Variants in ARAP3 observed in about 807,000 individuals in gnomAD.
ARAP3 encodes the protein arf-GAP with Rho-GAP domain, ANK repeat and PH domain-containing protein 3.
In ARAP3, 82 loss-of-function variants were observed where a neutral mutation model predicts 169.2. That is an observed-to-expected ratio of 0.48 (90% CI 0.41 to 0.58). ARAP3 has a LOEUF of 0.58. Among genes scored for constraint, ARAP3 ranks in the 20% least tolerant of loss-of-function variants. The probability of loss-of-function intolerance (pLI) is 0.00; values close to 1 mark genes in which losing one functional copy is unlikely to be tolerated. For synonymous variants in ARAP3, 791 were observed against 800.3 expected (o/e 0.99, Z 0.20); for missense variants, 1,764 against 2,018.0 (o/e 0.87, Z 2.41).
At chr5:141,664,649 G>A (rs1264735307) in intron 19 of ARAP3, among the ~76,000 whole-genome samples, 2 of 152,122 alleles carry the variant, frequency 1.3e-5, no homozygotes, top group South Asian at 2.1e-4. Context: ...CAGGCCCTGC[G>A]CTCAAGGCTT....
chr5:141,655,225 T>TACACACACACAC lies in ARAP3; in HGVS notation c.4149+125_4149+136dup, dbSNP rs148481472. ...CACACACACACACACCCTGATGGCCTACACACACACACACACACACACACA... is the reference window on the plus strand; with the variant it reads ...CACACACACACACACCCTGATGGCCTACACACACACACACACACACACACACACACACACACA... On this transcript the variant is annotated intron_variant, in intron 32 of 32. Transcript: ENST00000239440. 1,679 of 490,810 alleles carry TACACACACACAC rather than the reference T, an allele frequency of 3.4e-3. 12 individuals carry two copies. Among genetic ancestry groups the TACACACACACAC allele is most frequent in the South Asian group, 6.7e-3 (315 of 47,092 alleles). The allele number at this position is 490,810 out of a possible 1,614,324, so 30.4% of individuals were successfully genotyped here.
intron 25 of ARAP3, 62 bp downstream of exon 25, chr5:141,658,303 G>T: frequency 1.3e-6 from 2 of 1,541,012 alleles, no homozygotes; most frequent in South Asian, 2.3e-5. Context: ...TGATGACCTT[G>T]ACCACACAAC....
rs1210827723 is a variant in ARAP3, at chr5:141,673,730, T to A, written c.777A>T (p.Leu259Phe). 1 of 1,614,040 alleles carries A rather than the reference T, an allele frequency of 6.2e-7. No homozygotes were observed. The highest frequency in any genetic ancestry group is 1.7e-5 in the Admixed American group (1 of 60,006). Reference protein sequence around the residue: ...SLELPGDSTLLSPTLETEETS... With the variant: ...SLELPGDSTLFSPTLETEETS... Reference sequence around the variant, plus strand: ...TCTCCTCTGTTTCCAGGGTGGGCGATAAGAGGGTGGAGTCTCCAGGTAGCT... The same window carrying A: ...TCTCCTCTGTTTCCAGGGTGGGCGAAAAGAGGGTGGAGTCTCCAGGTAGCT... Residue 259 changes from leucine (L) to phenylalanine (F), a missense_variant, in exon 5 of 33, where the codon TTA (leucine) becomes TTT (phenylalanine). Coordinates refer to ENST00000239440, the MANE Select transcript of ARAP3 (RefSeq NM_022481.6).
In ARAP3 at chr5:141,673,426, C is replaced by T. The variant is rs1456334397; in HGVS notation, c.947G>A (p.Ser316Asn). 6.2e-7 allele frequency: 1 copy of T among 1,614,176 alleles called. No individual in the cohort carries two copies. Among genetic ancestry groups the T allele is most frequent in the Non-Finnish European group, 8.5e-7 (1 of 1,180,038 alleles). Residue 316 changes from serine (S) to asparagine (N), a missense_variant, in exon 6 of 33, where the codon AGT (serine) becomes AAT (asparagine). This residue lies in a region of ARAP3 where 630 missense variants were observed against 678.7 expected (regional missense o/e 0.93). Coordinates refer to ENST00000239440, the MANE Select transcript of ARAP3 (RefSeq NM_022481.6). The part of the protein sequence containing the change: ...QRRFVQFNGR[S>N]LMYFGSDKDP... ...CTTGTCACTGCCAAAGTACATCAGA[C>T]TCCTCCCATTGAACTGCACAAAGCG...
In ARAP3 at chr5:141,673,378, C is replaced by T. The variant is rs760468015; in HGVS notation, c.972+23G>A. 4.2e-5 allele frequency: 67 copies of T among 1,613,748 alleles called. No homozygotes were observed. The Admixed American group carries it at 9.7e-4, about 23-fold the overall frequency. ...CCCTCCCTCTCCCTCATCTCCATAT[C>T]GTCACATCTCCCAGCCCCCCACCTT... On this transcript the variant is annotated intron_variant, in intron 6 of 32. Coordinates refer to ENST00000239440, the MANE Select transcript of ARAP3 (RefSeq NM_022481.6).
At chr5:141,664,349 A>G (rs2099910362) in intron 19 of ARAP3, among the ~76,000 whole-genome samples, 1 of 152,120 alleles carries the variant, frequency 6.6e-6, no homozygotes, top group Admixed American at 6.6e-5. Context: ...ATGCCACTGC[A>G]CTCCAGCTTG....
chr5:141,670,242 C>A lies in ARAP3; in HGVS notation c.2108-179G>T, dbSNP rs1034363473. Among the ~76,000 whole-genome samples, 4 of 152,138 alleles carry A rather than the reference C, an allele frequency of 2.6e-5. No homozygotes were observed. In the East Asian group the frequency reaches 7.7e-4, roughly 29 times the overall value. On this transcript the variant is annotated intron_variant, in intron 14 of 32. Transcript: ENST00000239440. ...TGTTTTGCAGATGGGGAAACTGAGGCTCAGTTTCAGTAGCTTGCCCAAGAC... is the reference window on the plus strand; with the variant it reads ...TGTTTTGCAGATGGGGAAACTGAGGATCAGTTTCAGTAGCTTGCCCAAGAC...
rs1011338909 is a variant in ARAP3, at chr5:141,666,049, A to T, written c.2572+375T>A. ...GCGTGACTCTGTCTCCAAAAAAAAA[A>T]AAAAATAATAATAATAATAATAATA... is the stretch of plus-strand genomic sequence containing the variant. On this transcript the variant is annotated intron_variant, in intron 17 of 32. Coordinates refer to ENST00000239440, the MANE Select transcript of ARAP3 (RefSeq NM_022481.6). Among the ~76,000 whole-genome samples, 284 of 145,724 alleles carry T rather than the reference A, an allele frequency of 1.9e-3. 1 individual carries two copies. Among genetic ancestry groups the T allele is most frequent in the African/African-American group, 6.5e-3 (254 of 39,184 alleles).
At chr5:141,678,114 A>AT (rs1028183159) in intron 4 of ARAP3, among the ~76,000 whole-genome samples, 10 of 151,444 alleles carry the variant, frequency 6.6e-5, no homozygotes, top group African/African-American at 1.9e-4. Flanking sequence ...GCCCGGCTAT[A>AT]TTTTTTTTGT....
In ARAP3 at chr5:141,680,520, G is replaced by A. The variant is rs375258265; in HGVS notation, c.-17-17C>T. On this transcript the variant is annotated splice_polypyrimidine_tract_variant and intron_variant, in intron 1 of 32. Transcript: ENST00000239440. ...AGGCCATTGCTGGGGGGAGGGGCAG[G>A]GTGAAGGGAGGGCTCAGGCTGAGAA... 28 of 1,551,958 alleles carry A rather than the reference G, an allele frequency of 1.8e-5. No homozygotes were observed. The African/African-American group carries it at 3.8e-4, about 21-fold the overall frequency.
In ARAP3 at chr5:141,672,014, A is replaced by T. The variant is rs755780860; in HGVS notation, c.1586-34T>A. 43 of 1,605,170 alleles carry T rather than the reference A, an allele frequency of 2.7e-5. No homozygotes were observed. The highest frequency in any genetic ancestry group is 3.5e-5 in the Non-Finnish European group (41 of 1,172,216). Reference sequence around the variant, plus strand: ...GTGTGAGGGTGTGTGAGGGTGTGTGAGGGTGTGAGGGGCATGTGGCACGGG... The same window carrying T: ...GTGTGAGGGTGTGTGAGGGTGTGTGTGGGTGTGAGGGGCATGTGGCACGGG... On this transcript the variant is annotated intron_variant, in intron 10 of 32. Transcript: ENST00000239440. The surrounding 1 kb of genome is among the most constrained non-coding windows in gnomAD (Gnocchi z 4.9).
At position 141,662,203 on chromosome 5, in the gene ARAP3, C is replaced by T; in HGVS notation, c.2853G>A (p.Leu951=). The part of the protein sequence containing the change: ...YRKGGARARS[L]RLLAEFRRDA... ...CCCGACGGAACTCAGCCAGGAGTCT[C>T]AGGCTGCGGGCACGAGCGCCCCCTT... The change falls in exon 20 of 33, where the codon CTG becomes CTA. Residue 951 remains leucine, a synonymous_variant. Transcript: ENST00000239440. 6.2e-7 allele frequency: 1 copy of T among 1,614,228 alleles called. No homozygotes were observed. Among genetic ancestry groups the T allele is most frequent in the Middle Eastern group, 1.6e-4 (1 of 6,062 alleles).
At chr5:141,669,901 T>C in intron 15 of ARAP3, 21 bp downstream of exon 15, 2 of 1,607,562 alleles carry the variant, frequency 1.2e-6, no homozygotes, top group Non-Finnish European at 1.7e-6. Flanking sequence ...GGAAGCTCAG[T>C]GGTCACAGAA....
chr5:141,654,557 C>T, intron 32 of ARAP3, 122 bp from the exon 33 acceptor site: 1 of 1,362,858 alleles, frequency 7.3e-7, no homozygotes, highest in Non-Finnish European at 9.9e-7. Context: ...ATGTATGATT[C>T]TGGAACAACC....
rs550898410 is a variant in ARAP3, at chr5:141,676,343, G to A, written c.699-2535C>T. Among the ~76,000 whole-genome samples, 184 of 152,298 alleles carry A rather than the reference G, an allele frequency of 1.2e-3. 1 individual carries two copies. The Middle Eastern group carries it at 0.014, about 11-fold the overall frequency. ...AGCTTGGGTGACAGAGCAAGACTCCGTCTCAAAAACAACAAAAAAACTCTT... is the reference window on the plus strand; with the variant it reads ...AGCTTGGGTGACAGAGCAAGACTCCATCTCAAAAACAACAAAAAAACTCTT... On this transcript the variant is annotated intron_variant, in intron 4 of 32. Transcript: ENST00000239440.
chr5:141,656,415 GT>G, intron 27 of ARAP3, 88 bp downstream of exon 27: 1 of 1,582,502 alleles, frequency 6.3e-7, no homozygotes, highest in Non-Finnish European at 8.6e-7. Flanking sequence ...ATTGATGAGA[GT>G]ATGGGCTGTG....
At chr5:141,679,697 G>C in intron 3 of ARAP3, 41 bp from the exon 4 acceptor site, 1 of 1,613,528 alleles carries the variant, frequency 6.2e-7, no homozygotes, top group East Asian at 2.2e-5. Flanking sequence ...AGAGGAGATC[G>C]CTGGGAGTGT....
At chr5:141,661,628 G>A in intron 21 of ARAP3, 56 bp downstream of exon 21, 4 of 1,477,512 alleles carry the variant, frequency 2.7e-6, no homozygotes, top group Non-Finnish European at 3.8e-6. Flanking sequence ...ATGAATGAAA[G>A]TGCAGGGTCA....
intron 25 of ARAP3, 33 bp downstream of exon 25, chr5:141,658,332 C>T (rs1252683071): frequency 3.1e-6 from 5 of 1,587,560 alleles, no homozygotes; most frequent in Non-Finnish European, 4.3e-6. Context: ...CGCATATACA[C>T]ATGCATGAAC....
Sources: gnomAD v4.1 joint callset for allele counts (sites outside exome capture counted in the v4.1 genomes callset) on GRCh38, gnomAD v4.1.1 for gene constraint, gnomAD v4.1.1 regional missense constraint, Gnocchi (gnomAD v3.1) non-coding constraint, MANE v1.5 for transcripts, NCBI Gene and HGNC (gene_info 2026-07-23, HGNC 2026-07-21) for gene names.